Variants in CLMP observed in about 807,000 individuals in gnomAD.
The protein encoded by CLMP is CXADR like cell adhesion molecule, also known as CXADR-like membrane protein.
A neutral mutation model predicts 45.2 loss-of-function variants in CLMP; 27 were observed. That is an observed-to-expected ratio of 0.60 (90% CI 0.44 to 0.82). The LOEUF (loss-of-function observed/expected upper bound fraction) is 0.82, where lower values mean the gene tolerates loss of function less well. Ranked by LOEUF, CLMP falls within the 40% of genes least tolerant of loss-of-function variation. The probability of loss-of-function intolerance (pLI) is 0.00; values close to 1 mark genes in which losing one functional copy is unlikely to be tolerated. For synonymous variants in CLMP, 167 were observed against 171.4 expected (o/e 0.97, Z 0.20); for missense variants, 403 against 448.4 (o/e 0.90, Z 0.91).
intron 1 of CLMP, among the ~76,000 whole-genome samples, chr11:123,169,411 G>C (rs1010240782): frequency 6.6e-6 from 1 of 152,104 alleles, no homozygotes; most frequent in Non-Finnish European, 1.5e-5. Flanking sequence ...CCAGGCCTAC[G>C]GCAGAATCAC....
At chr11:123,194,708 G>A (rs1179203923) in intron 1 of CLMP, among the ~76,000 whole-genome samples, 1 of 152,194 alleles carries the variant, frequency 6.6e-6, no homozygotes, top group Non-Finnish European at 1.5e-5. Flanking sequence ...CTGTTCAAGG[G>A]CCCAGATGTG....
intron 1 of CLMP, among the ~76,000 whole-genome samples, chr11:123,111,101 A>G (rs77055783): frequency 0.018 from 2,768 of 152,064 alleles, 84 homozygotes; most frequent in African/African-American, 0.063. Context: ...GTATTTTGTC[A>G]CCATCAGTGA....
chr11:123,117,575 C>T (rs1291903059), intron 1 of CLMP, among the ~76,000 whole-genome samples: 3 of 151,946 alleles, frequency 2.0e-5, no homozygotes, highest in African/African-American at 4.8e-5. Context: ...TACAGGCACT[C>T]GCCACCATGC....
At chr11:123,078,479 C>T (rs188246537) in intron 5 of CLMP, among the ~76,000 whole-genome samples, 2 of 152,198 alleles carry the variant, frequency 1.3e-5, no homozygotes, top group Non-Finnish European at 2.9e-5. Context: ...CAGAGTCTCA[C>T]TCTGTTGCCC....
intron 1 of CLMP, among the ~76,000 whole-genome samples, chr11:123,184,004 A>T (rs1861801897): frequency 6.6e-6 from 1 of 152,206 alleles, no homozygotes; most frequent in African/African-American, 2.4e-5. Context: ...CATCTGCAAA[A>T]TGAAGGCTGT....
intron 1 of CLMP, among the ~76,000 whole-genome samples, chr11:123,142,466 A>T (rs1485806823): frequency 6.6e-6 from 1 of 152,186 alleles, no homozygotes; most frequent in African/African-American, 2.4e-5. Flanking sequence ...CAGTTTCCAC[A>T]GTGCCTGGCA....
In CLMP at chr11:123,097,862, C is replaced by T; in HGVS notation, c.119G>A (p.Gly40Glu). 1 of 1,610,626 alleles carries T rather than the reference C, an allele frequency of 6.2e-7. No homozygotes were observed. The highest frequency in any genetic ancestry group is 8.5e-7 in the Non-Finnish European group (1 of 1,178,522). Reference sequence around the variant, plus strand: ...ATCCAGAGTGTCTTTTTCTGGAAGCCCCAGTTGATGGTGGCAGGGCAAAGT... The same window carrying T: ...ATCCAGAGTGTCTTTTTCTGGAAGCTCCAGTTGATGGTGGCAGGGCAAAGT... Reference protein sequence around the residue: ...KVTLPCHHQLGLPEKDTLDIE... With the variant: ...KVTLPCHHQLELPEKDTLDIE... Residue 40 changes from glycine to glutamate, a missense_variant, in exon 2 of 7, where the codon GGG (glycine) becomes GAG (glutamate). By Grantham distance (98) the Gly-to-Glu change is moderately conservative. Transcript: ENST00000448775.
intron 2 of CLMP, among the ~76,000 whole-genome samples, chr11:123,095,133 T>C (rs897411485): frequency 6.6e-5 from 10 of 152,210 alleles, no homozygotes; most frequent in Non-Finnish European, 5.9e-5. Flanking sequence ...GAATTGTGAC[T>C]GCTTAAAGCC....
chr11:123,189,023 A>G (rs1411837818), intron 1 of CLMP: 2 of 152,274 alleles, frequency 1.3e-5, no homozygotes, highest in African/African-American at 2.4e-5. Flanking sequence ...ACCCCAAAGC[A>G]TCTGACCTCT....
At chr11:123,087,736 G>A (rs1055474938) in intron 2 of CLMP, among the ~76,000 whole-genome samples, 17 of 149,434 alleles carry the variant, frequency 1.1e-4, no homozygotes, top group African/African-American at 3.7e-4. Context: ...CAGAAGAATC[G>A]CTGGAACCCA....
chr11:123,134,658 A>G (rs1244213647), intron 1 of CLMP, among the ~76,000 whole-genome samples: 1 of 134,736 alleles, frequency 7.4e-6, no homozygotes, highest in East Asian at 2.1e-4. Flanking sequence ...CTAAAAATAT[A>G]AAAGCCCAGC....
chr11:123,150,466 A>AG, intron 1 of CLMP, among the ~76,000 whole-genome samples: 1 of 106,546 alleles, frequency 9.4e-6, no homozygotes, highest in Admixed American at 9.3e-5. Flanking sequence ...AAAGAAAGAA[A>AG]GAAAGAAAGA....
intron 1 of CLMP, among the ~76,000 whole-genome samples, chr11:123,158,074 G>A (rs111367540): frequency 2.1e-3 from 316 of 152,214 alleles, no homozygotes; most frequent in African/African-American, 7.0e-3. Flanking sequence ...AAAGTACTCT[G>A]TACTGCTTCA....
intron 1 of CLMP, among the ~76,000 whole-genome samples, chr11:123,180,450 C>T (rs934856526): frequency 1.3e-5 from 2 of 152,132 alleles, no homozygotes; most frequent in Admixed American, 6.5e-5. Context: ...AGGAAGCAGG[C>T]CCTCACCAGA....
At chr11:123,179,820 T>A (rs972763411) in intron 1 of CLMP, among the ~76,000 whole-genome samples, 9 of 152,214 alleles carry the variant, frequency 5.9e-5, no homozygotes, top group Admixed American at 5.9e-4. Context: ...ACCAACTAGC[T>A]TTATAGTTTA....
At chr11:123,150,389 A>G (rs551497699) in intron 1 of CLMP, among the ~76,000 whole-genome samples, 33 of 148,508 alleles carry the variant, frequency 2.2e-4, no homozygotes, top group African/African-American at 7.8e-4. Flanking sequence ...TTAGAGCCAA[A>G]AAGATGAACA....
At chr11:123,184,872 G>C (rs1861813226) in intron 1 of CLMP, among the ~76,000 whole-genome samples, 1 of 152,174 alleles carries the variant, frequency 6.6e-6, no homozygotes, top group East Asian at 1.9e-4. Context: ...CACCGGGCTT[G>C]GTATTCCTGA....
intron 1 of CLMP, among the ~76,000 whole-genome samples, chr11:123,100,651 T>G (rs1866045615): frequency 6.6e-6 from 1 of 152,152 alleles, no homozygotes; most frequent in Non-Finnish European, 1.5e-5. Context: ...AGTTGTTGTG[T>G]TAGAGGAAGT....
At chr11:123,101,213 A>T (rs966728461) in intron 1 of CLMP, among the ~76,000 whole-genome samples, 5 of 152,184 alleles carry the variant, frequency 3.3e-5, no homozygotes, top group Non-Finnish European at 5.9e-5. Flanking sequence ...GGTTCAAGGC[A>T]TTCTCCTGTC....
Sources: allele counts gnomAD v4.1 joint callset (sites outside exome capture counted in the v4.1 genomes callset), GRCh38; gene constraint gnomAD v4.1.1; transcripts MANE v1.5; gene names NCBI Gene and HGNC (gene_info 2026-07-23, HGNC 2026-07-21).